The following RALGAPA2 variants were observed in gnomAD, a reference collection of about 807,000 sequenced individuals.
RALGAPA2 encodes the protein Ral GTPase activating protein catalytic subunit alpha 2, also known as ral GTPase-activating protein subunit alpha-2.
RALGAPA2 carries 139 observed loss-of-function variants against 230.4 expected under a neutral mutation model. The observed-to-expected ratio is 0.60, with a 90% CI of 0.53 to 0.69. The LOEUF (loss-of-function observed/expected upper bound fraction) is 0.69, where lower values mean the gene tolerates loss of function less well. Among genes scored for constraint, RALGAPA2 ranks in the 30% least tolerant of loss-of-function variants. The pLI, the probability that RALGAPA2 is intolerant of heterozygous loss-of-function variation, is 0.00. For missense variants in RALGAPA2, 2,163 were observed against 2,276.0 expected (o/e 0.95, Z 1.01); for synonymous variants, 847 against 837.8 (o/e 1.01, Z -0.19).
Position 20,426,882 on chromosome 20 carries a change from AG to A in RALGAPA2, c.5496-14735del, listed in dbSNP as rs146286640. 3.0e-3 allele frequency among the ~76,000 whole-genome samples: 462 copies of A among 152,334 alleles called. 2 individuals carry two copies. Among genetic ancestry groups the A allele is most frequent in the African/African-American group, 0.011 (446 of 41,586 alleles). ...ATAAAGATGCCAATGAAAATGATCA[AG>A]TGCTTTTAATGGGTTGAAGTTTTAT... On this transcript the variant is annotated intron_variant, in intron 37 of 39. Coordinates refer to ENST00000202677, the MANE Select transcript of RALGAPA2 (RefSeq NM_020343.4).
chr20:20,431,522 T>C (rs766784822), intron 37 of RALGAPA2, among the ~76,000 whole-genome samples: 4 of 152,166 alleles, frequency 2.6e-5, no homozygotes, highest in Non-Finnish European at 4.4e-5. Flanking sequence ...AACTTAAACA[T>C]GCACCAGGCT....
intron 3 of RALGAPA2, among the ~76,000 whole-genome samples, chr20:20,655,714 G>C (rs1221394216): frequency 2.0e-5 from 3 of 152,168 alleles, no homozygotes; most frequent in South Asian, 4.1e-4. Flanking sequence ...AGGGGAGGTA[G>C]ACACAGTCAC....
rs143608282 is a variant in RALGAPA2, at chr20:20,641,558, A to C, written c.373-680T>G. Among the ~76,000 whole-genome samples the C allele has an allele frequency of 6.6e-5, 10 of 152,230 alleles. No homozygotes were observed. The East Asian group carries it at 1.9e-3, about 29-fold the overall frequency. ...CTGTAGGAGACATCTACATAGGGAG[A>C]TGTGTCCTTTTTCTTTCTTTACACT... is the stretch of plus-strand genomic sequence containing the variant. On this transcript the variant is annotated intron_variant, in intron 5 of 39. Coordinates refer to ENST00000202677, the MANE Select transcript of RALGAPA2 (RefSeq NM_020343.4).
rs937025606 is a variant in RALGAPA2 at position 20,651,888 on chromosome 20, C to A, written c.328+1642G>T. On this transcript the variant is annotated intron_variant, in intron 4 of 39. Coordinates refer to ENST00000202677, the MANE Select transcript of RALGAPA2 (RefSeq NM_020343.4). Reference sequence around the variant, plus strand: ...CCATTCCTACGGTACCATGGAGCACCACAAATCCCCATGATGTCTCTTTGG... The same window carrying A: ...CCATTCCTACGGTACCATGGAGCACAACAAATCCCCATGATGTCTCTTTGG... Among the ~76,000 whole-genome samples, 3 of 152,144 alleles carry A rather than the reference C, an allele frequency of 2.0e-5. No homozygotes were observed. In the East Asian group the frequency reaches 5.8e-4, roughly 29 times the overall value.
chr20:20,649,028 A>G (rs901774880), intron 4 of RALGAPA2, among the ~76,000 whole-genome samples: 2 of 152,186 alleles, frequency 1.3e-5, no homozygotes, highest in African/African-American at 4.8e-5. Flanking sequence ...AGTGCCTGGG[A>G]GGGGAAGAAG....
intron 3 of RALGAPA2, among the ~76,000 whole-genome samples, chr20:20,668,716 G>C (rs139676036): frequency 6.6e-6 from 1 of 152,326 alleles, no homozygotes; most frequent in Non-Finnish European, 1.5e-5. Context: ...AGGAGAAATT[G>C]GTGGGTCTAA....
At chr20:20,451,228 T>C (rs752235891) in intron 37 of RALGAPA2, among the ~76,000 whole-genome samples, 1 of 152,176 alleles carries the variant, frequency 6.6e-6, no homozygotes, top group Non-Finnish European at 1.5e-5. Flanking sequence ...TTTTGTTTCA[T>C]TTTCAGAGAA....
chr20:20,504,679 T>C (rs929859793), intron 34 of RALGAPA2, among the ~76,000 whole-genome samples: 4 of 152,032 alleles, frequency 2.6e-5, no homozygotes, highest in Non-Finnish European at 4.4e-5. Flanking sequence ...TGAGCCGAGA[T>C]TGTGCGACTG....
At position 20,393,106 on chromosome 20, in the gene RALGAPA2, G is replaced by GA; in HGVS notation, c.*182dup. On this transcript the variant is annotated 3_prime_UTR_variant, in exon 40 of 40. Coordinates refer to ENST00000202677, the MANE Select transcript of RALGAPA2 (RefSeq NM_020343.4). ...ATGGGCTTCAGAAGTCCACTAATGGGAAGACCTGCTGAGGGCACTAGTACA... is the reference window on the plus strand; with the variant it reads ...ATGGGCTTCAGAAGTCCACTAATGGGAAAGACCTGCTGAGGGCACTAGTACA... 4.4e-6 allele frequency: 6 copies of GA among 1,358,036 alleles called. No homozygotes were observed. The highest frequency in any genetic ancestry group is 5.9e-6 in the Non-Finnish European group (6 of 1,018,028). 84.1% of individuals were successfully genotyped at this position (1,358,036 alleles called of 1,614,324 possible).
At chr20:20,512,240 TACACACACACACAC>T (rs370439645) in intron 32 of RALGAPA2, among the ~76,000 whole-genome samples, 1 of 138,352 alleles carries the variant, frequency 7.2e-6, no homozygotes, top group Non-Finnish European at 1.6e-5. Context: ...CACACACACA[TACACACACACACAC>T]ACACACACAC....
chr20:20,651,003 G>A (rs550049238), intron 4 of RALGAPA2, among the ~76,000 whole-genome samples: 1 of 152,274 alleles, frequency 6.6e-6, no homozygotes, highest in Middle Eastern at 3.4e-3. Flanking sequence ...ACCCGAATAA[G>A]GCTATCTTGT....
At chr20:20,688,862 G>A (rs546994948) in intron 1 of RALGAPA2, among the ~76,000 whole-genome samples, 5 of 151,970 alleles carry the variant, frequency 3.3e-5, no homozygotes, top group Non-Finnish European at 7.4e-5. Context: ...TTACAATAAT[G>A]GACCAAAAAA....
chr20:20,518,467 C>T (rs1170448553), intron 31 of RALGAPA2, among the ~76,000 whole-genome samples: 1 of 152,182 alleles, frequency 6.6e-6, no homozygotes, highest in Non-Finnish European at 1.5e-5. Context: ...ACGCTATCAC[C>T]TTTATTTTTC....
Position 20,512,507 on chromosome 20 carries a change from T to C in RALGAPA2, c.4856+6A>G. On this transcript the variant is annotated splice_donor_region_variant and intron_variant, in intron 32 of 39. Coordinates refer to ENST00000202677, the MANE Select transcript of RALGAPA2 (RefSeq NM_020343.4). ...AAATAACTGGAGGTCTAGCTTGGAT[T>C]GTTACCTTCTGTCCCAAGAATTCAT... The C allele has an allele frequency of 6.3e-7, 1 of 1,579,690 alleles. No homozygotes were observed. The highest frequency in any genetic ancestry group is 8.6e-7 in the Non-Finnish European group (1 of 1,165,910).
intron 23 of RALGAPA2, among the ~76,000 whole-genome samples, chr20:20,556,276 C>G (rs1044016935): frequency 6.6e-6 from 1 of 152,158 alleles, no homozygotes; most frequent in African/African-American, 2.4e-5. Flanking sequence ...AACACAACAC[C>G]CTGCCTGAAG....
Position 20,601,725 on chromosome 20 carries a change from C to T in RALGAPA2, c.2160G>A (p.Pro720=), listed in dbSNP as rs374922813. ...CAATATTTCTTGCCTTTTCCACTCCCGGTGCTCCAGACGTGGTGGCACTCC... is the reference window on the plus strand; with the variant it reads ...CAATATTTCTTGCCTTTTCCACTCCTGGTGCTCCAGACGTGGTGGCACTCC... The part of the protein sequence containing the change: ...RFRSATTSGA[P]GVEKARNIVR... Residue 720 remains proline, a synonymous_variant, in exon 16 of 40, where the codon CCG becomes CCA. Transcript: ENST00000202677. 154 of 1,613,464 alleles carry T rather than the reference C, an allele frequency of 9.5e-5. No homozygotes were observed. Among genetic ancestry groups the T allele is most frequent in the Middle Eastern group, 8.3e-4 (5 of 6,046 alleles).
Position 20,586,153 on chromosome 20 carries a change from T to C in RALGAPA2, c.2440-1198A>G, listed in dbSNP as rs1357357487. ...TGAGAGACACAATACCTCCCAGCCA[T>C]AGAACCAGATCCTACATAAAACTTT... is the stretch of plus-strand genomic sequence containing the variant. On this transcript the variant is annotated intron_variant, in intron 18 of 39. Transcript: ENST00000202677. Among the ~76,000 whole-genome samples, 5 of 152,136 alleles carry C rather than the reference T, an allele frequency of 3.3e-5. No homozygotes were observed. The East Asian group carries it at 5.8e-4, about 18-fold the overall frequency.
Position 20,515,506 on chromosome 20 carries a change from T to C in RALGAPA2, c.4085-2222A>G, listed in dbSNP as rs138729970. 1.6e-3 allele frequency among the ~76,000 whole-genome samples: 248 copies of C among 152,188 alleles called. 1 individual carries two copies. The highest frequency in any genetic ancestry group is 5.7e-3 in the African/African-American group (238 of 41,534). ...GGTAAAAAACTATAAATCCTCAGAGTGTCAGTCGGGGGAGACTACCTTCAG... is the reference window on the plus strand; with the variant it reads ...GGTAAAAAACTATAAATCCTCAGAGCGTCAGTCGGGGGAGACTACCTTCAG... On this transcript the variant is annotated intron_variant, in intron 31 of 39. Transcript: ENST00000202677.
At chr20:20,522,595 G>A (rs757550344) in intron 30 of RALGAPA2, among the ~76,000 whole-genome samples, 30 of 152,200 alleles carry the variant, frequency 2.0e-4, no homozygotes, top group Non-Finnish European at 3.8e-4. Flanking sequence ...AGGCTTCCAG[G>A]ATGCCAGGAA....
Sources: allele counts gnomAD v4.1 joint callset (sites outside exome capture counted in the v4.1 genomes callset), GRCh38; gene constraint gnomAD v4.1.1; transcripts MANE v1.5; gene names NCBI Gene and HGNC (gene_info 2026-07-23, HGNC 2026-07-21).